Variants in TTC28 observed in about 807,000 individuals in gnomAD.
TTC28 encodes the protein tetratricopeptide repeat protein 28.
TTC28 carries 61 observed loss-of-function variants against 198.0 expected under a neutral mutation model. The observed-to-expected ratio is 0.31, with a 90% CI of 0.25 to 0.38. The LOEUF is 0.38. Ranked by LOEUF, TTC28 falls within the 10% of genes least tolerant of loss-of-function variation. The pLI is 1.00. For synonymous variants in TTC28, 1,171 were observed against 1,297.8 expected (o/e 0.90, Z 2.10); for missense variants, 2,678 against 3,164.0 (o/e 0.85, Z 3.69).
chr22:28,175,233 C>T (rs967573286), intron 5 of TTC28, among the ~76,000 whole-genome samples: 2 of 152,056 alleles, frequency 1.3e-5, no homozygotes, highest in Non-Finnish European at 2.9e-5. Context: ...AGCTCAAAAG[C>T]ACAGGCAACA....
intron 2 of TTC28, among the ~76,000 whole-genome samples, chr22:28,414,553 A>T (rs914565797): frequency 2.6e-5 from 4 of 152,222 alleles, no homozygotes; most frequent in Non-Finnish European, 5.9e-5. Context: ...CATGTGTGTC[A>T]GAGATGAAGT....
At chr22:28,597,796 CG>C (rs2050566741) in intron 2 of TTC28, among the ~76,000 whole-genome samples, 1 of 152,018 alleles carries the variant, frequency 6.6e-6, no homozygotes, top group Admixed American at 6.6e-5. Context: ...TTACCTTTTG[CG>C]GGGAGGTGGG....
rs564564421 is a variant in TTC28, at chr22:28,075,953, ATTC to A, written c.3932+18124_3932+18126del. On this transcript the variant is annotated intron_variant, in intron 12 of 22. Coordinates refer to ENST00000397906, the MANE Select transcript of TTC28 (RefSeq NM_001145418.2). Reference sequence around the variant, plus strand: ...TGTAAGGCCAAGAATTCCAGCTATTATTCATGCATATATCTCCAGGCCCAGCAT... The same window carrying A: ...TGTAAGGCCAAGAATTCCAGCTATTAATGCATATATCTCCAGGCCCAGCAT... 2.8e-4 allele frequency among the ~76,000 whole-genome samples: 42 copies of A among 152,328 alleles called. No individual in the cohort carries two copies. In the East Asian group the frequency reaches 7.9e-3, roughly 29 times the overall value.
At chr22:28,358,841 C>T (rs754836379) in intron 2 of TTC28, among the ~76,000 whole-genome samples, 8 of 152,100 alleles carry the variant, frequency 5.3e-5, no homozygotes, top group Non-Finnish European at 7.4e-5. Context: ...TCCTCACTTG[C>T]GGCTTTCATT....
chr22:28,579,626 A>ATGTGTG (rs71194778), intron 2 of TTC28, among the ~76,000 whole-genome samples: 37 of 148,460 alleles, frequency 2.5e-4, no homozygotes, highest in African/African-American at 9.1e-4. Flanking sequence ...ACATATACAA[A>ATGTGTG]TGTGTGTGTG....
intron 2 of TTC28, among the ~76,000 whole-genome samples, chr22:28,588,555 T>C (rs1187550388): frequency 1.3e-5 from 2 of 152,198 alleles, no homozygotes; most frequent in African/African-American, 4.8e-5. Flanking sequence ...CCACTTGCTA[T>C]GCATCTCACA....
In TTC28 at chr22:28,297,806, G is replaced by T. The variant is rs1210149464; in HGVS notation, c.576C>A (p.Asp192Glu). Residue 192 changes from aspartate to glutamate, a missense_variant, in exon 4 of 23, where the codon GAC becomes GAA. Asp to Glu is a conservative substitution (Grantham distance 45). Around this residue, in one of 8 missense-constraint regions of TTC28, gnomAD observed 176 missense variants for 197.9 expected, o/e 0.89. Coordinates refer to ENST00000397906, the MANE Select transcript of TTC28 (RefSeq NM_001145418.2). Reference protein sequence around the residue: ...TYQQLQKMKLDKSPFVVVSVV... With the variant: ...TYQQLQKMKLEKSPFVVVSVV... ...CAGACACGACCACAAAGGGACTCTTGTCCAGTTTCATTTTCTGAAGCTGCT... is the reference window on the plus strand; with the variant it reads ...CAGACACGACCACAAAGGGACTCTTTTCCAGTTTCATTTTCTGAAGCTGCT... The T allele has an allele frequency of 6.4e-7, 1 of 1,551,628 alleles. No homozygotes were observed. The highest frequency in any genetic ancestry group is 1.2e-5 in the South Asian group (1 of 84,056).
chr22:28,001,331 C>G, intron 15 of TTC28, 43 bp downstream of exon 15: 2 of 1,525,098 alleles, frequency 1.3e-6, no homozygotes, highest in Non-Finnish European at 8.9e-7. Context: ...CCTCGTGACC[C>G]GAAAACAAGC....
At chr22:28,402,319 T>C (rs1430040999) in intron 2 of TTC28, among the ~76,000 whole-genome samples, 1 of 152,192 alleles carries the variant, frequency 6.6e-6, no homozygotes, top group Non-Finnish European at 1.5e-5. Context: ...ACACAGGGCT[T>C]ACAAGCACTG....
intron 2 of TTC28, among the ~76,000 whole-genome samples, chr22:28,605,590 T>C (rs2050716393): frequency 6.6e-6 from 1 of 152,174 alleles, no homozygotes; most frequent in African/African-American, 2.4e-5. Flanking sequence ...AGAAGGACAG[T>C]CCTTTGATGA....
intron 2 of TTC28, among the ~76,000 whole-genome samples, chr22:28,528,203 A>G (rs2049047542): frequency 6.6e-6 from 1 of 152,216 alleles, no homozygotes; most frequent in South Asian, 2.1e-4. Context: ...CTTCAGTTTC[A>G]TAAAGGACAT....
chr22:28,529,085 A>G (rs1224769421), intron 2 of TTC28, among the ~76,000 whole-genome samples: 1 of 152,128 alleles, frequency 6.6e-6, no homozygotes, highest in Non-Finnish European at 1.5e-5. Context: ...TGCAGCCCAC[A>G]GAGTGTGAGC....
intron 6 of TTC28, among the ~76,000 whole-genome samples, chr22:28,139,020 T>C (rs1031167245): frequency 1.3e-5 from 2 of 151,506 alleles, no homozygotes; most frequent in African/African-American, 4.9e-5. Flanking sequence ...TGTATCTTGA[T>C]TTCTGAGGTG....
chr22:28,583,984 G>GTTT (rs138610593), intron 2 of TTC28, among the ~76,000 whole-genome samples: 2 of 131,740 alleles, frequency 1.5e-5, no homozygotes, highest in East Asian at 2.2e-4. Flanking sequence ...CTCTTTCTCC[G>GTTT]TTTTTTTTTT....
chr22:28,406,271 T>C (rs1382677446), intron 2 of TTC28, among the ~76,000 whole-genome samples: 1 of 152,266 alleles, frequency 6.6e-6, no homozygotes, highest in Non-Finnish European at 1.5e-5. Context: ...ATGCCCTTTG[T>C]ATTTGATAGC....
Position 28,421,744 on chromosome 22 carries a change from G to A in TTC28, c.382-115101C>T, listed in dbSNP as rs1038701422. 4.6e-5 allele frequency among the ~76,000 whole-genome samples: 7 copies of A among 151,954 alleles called. 1 individual carries two copies. In the South Asian group the frequency reaches 1.2e-3, roughly 27 times the overall value. Reference sequence around the variant, plus strand: ...AGGCGGATCACGAGGTCAGGAGATCGAGACCATCCTGGCTAACACGGTGAA... The same window carrying A: ...AGGCGGATCACGAGGTCAGGAGATCAAGACCATCCTGGCTAACACGGTGAA... On this transcript the variant is annotated intron_variant, in intron 2 of 22. Transcript: ENST00000397906.
chr22:28,554,286 T>C (rs1187610513), intron 2 of TTC28, among the ~76,000 whole-genome samples: 3 of 151,328 alleles, frequency 2.0e-5, no homozygotes, highest in African/African-American at 4.9e-5. Flanking sequence ...CTTTGTTCAC[T>C]TGTTTATCTG....
At chr22:28,327,251 C>T (rs1380357382) in intron 2 of TTC28, among the ~76,000 whole-genome samples, 1 of 152,050 alleles carries the variant, frequency 6.6e-6, no homozygotes, top group African/African-American at 2.4e-5. Flanking sequence ...GTACATTCAC[C>T]TAATTATTAA....
Position 28,374,929 on chromosome 22 carries a change from A to T in TTC28, c.382-68286T>A, listed in dbSNP as rs79253885. ...TGTTCATGAATGTAAGTTGCATATT[A>T]AAAAAAAAAGGTGCCAGGAGCAGTG... On this transcript the variant is annotated intron_variant, in intron 2 of 22. Transcript: ENST00000397906. Among the ~76,000 whole-genome samples the T allele has an allele frequency of 1.1e-4, 16 of 146,234 alleles. No individual in the cohort carries two copies. In the East Asian group the frequency reaches 2.0e-3, roughly 18 times the overall value.
Sources: gnomAD v4.1 joint callset for allele counts (sites outside exome capture counted in the v4.1 genomes callset) on GRCh38, gnomAD v4.1.1 for gene constraint, gnomAD v4.1.1 regional missense constraint, MANE v1.5 for transcripts, NCBI Gene and HGNC (gene_info 2026-07-23, HGNC 2026-07-21) for gene names.